Variants in RSPH14 observed in about 807,000 individuals in gnomAD.
RSPH14 encodes the protein radial spoke head 14 homolog, also known as rhabdoid tumor deletion region gene 1.
A neutral mutation model predicts 26.7 loss-of-function variants in RSPH14; 20 were observed. That is an observed-to-expected ratio of 0.75 (90% CI 0.53 to 1.09). The LOEUF is 1.09. RSPH14 is among the 50% of genes least tolerant of loss of function. RSPH14 has a pLI of 0.00. For synonymous variants in RSPH14, 177 were observed against 189.3 expected, an observed-to-expected ratio of 0.93 and a Z score of 0.53; for missense variants, 449 against 457.2, an observed-to-expected ratio of 0.98 and a Z score of 0.16.
At chr22:23,172,358 G>A in the RSPH14 span, among the ~76,000 whole-genome samples, 1 of 147,514 alleles carries the variant, frequency 6.8e-6, no homozygotes, top group Admixed American at 6.8e-5. Flanking sequence ...GGAGGTTGCT[G>A]TGAGCCAAGA....
At chr22:23,171,855 C>CAAAAAAAAAAAAAAAAA in the RSPH14 span, among the ~76,000 whole-genome samples, 1 of 25,054 alleles carries the variant, frequency 4.0e-5, no homozygotes, top group African/African-American at 1.9e-4. Flanking sequence ...AAAAAAAAAA[C>CAAAAAAAAAAAAAAAAA]AAAAAAAAAA....
intron 4 of RSPH14, chr22:23,123,144 A>T: frequency 6.2e-7 from 1 of 1,614,112 alleles, no homozygotes; most frequent in Non-Finnish European, 8.5e-7. Context: ...CAACTGGTTC[A>T]TCAACACCTC....
At chr22:23,140,814 C>T (rs576899758) in intron 1 of RSPH14, among the ~76,000 whole-genome samples, 2 of 152,292 alleles carry the variant, frequency 1.3e-5, no homozygotes, top group East Asian at 3.9e-4. Context: ...TTACCTTGTG[C>T]CAGCAATAAG....
chr22:23,135,163 C>T (rs1167292061), intron 3 of RSPH14, among the ~76,000 whole-genome samples: 1 of 151,822 alleles, frequency 6.6e-6, no homozygotes, highest in Non-Finnish European at 1.5e-5. Flanking sequence ...AGAGCTAGAC[C>T]TTGTCTCTTA....
At chr22:23,098,389 C>T (rs1214490796) in intron 4 of RSPH14, among the ~76,000 whole-genome samples, 1 of 152,220 alleles carries the variant, frequency 6.6e-6, no homozygotes, top group African/African-American at 2.4e-5. Context: ...CGGGGCAGGC[C>T]CTAGATGGGC....
chr22:23,112,975 C>T (rs1036710402), intron 4 of RSPH14, among the ~76,000 whole-genome samples: 14 of 152,168 alleles, frequency 9.2e-5, no homozygotes, highest in African/African-American at 3.4e-4. Context: ...ATAGGAACAT[C>T]CAGCTTTCAG....
At chr22:23,161,359 C>T in the RSPH14 span, 10 of 821,966 alleles carry the variant, frequency 1.2e-5, no homozygotes, top group Admixed American at 6.1e-5. Context: ...CCTCTCTTGG[C>T]TTGTGTCAGG....
At chr22:23,102,252 C>T (rs936806229) in intron 4 of RSPH14, among the ~76,000 whole-genome samples, 2 of 152,228 alleles carry the variant, frequency 1.3e-5, no homozygotes, top group African/African-American at 2.4e-5. Flanking sequence ...GCCTAGGGTC[C>T]CAGGCTTTAT....
upstream of RSPH14, among the ~76,000 whole-genome samples, chr22:23,148,419 G>A (rs1043930922): frequency 4.6e-5 from 7 of 152,194 alleles, no homozygotes; most frequent in African/African-American, 7.2e-5. Flanking sequence ...AGCAGACGGC[G>A]AGGATCAGAG....
intron 4 of RSPH14, among the ~76,000 whole-genome samples, chr22:23,070,115 G>A (rs867428930): frequency 1.3e-5 from 2 of 152,026 alleles, no homozygotes; most frequent in Admixed American, 6.5e-5. Context: ...GGACTGCGGC[G>A]CGCGCGGAGC....
At chr22:23,129,701 C>A (rs1041512340) in intron 4 of RSPH14, among the ~76,000 whole-genome samples, 2 of 151,882 alleles carry the variant, frequency 1.3e-5, no homozygotes, top group South Asian at 2.1e-4. Context: ...GCAGGAGGAT[C>A]GTGAGGTCAG....
At chr22:23,164,318 G>C in the RSPH14 span, 1 of 152,230 alleles carries the variant, frequency 6.6e-6, no homozygotes, top group Non-Finnish European at 1.5e-5. Flanking sequence ...CTCTGTAAAT[G>C]GTCCTTGATT....
At chr22:23,135,597 T>TA (rs1053517439) in intron 3 of RSPH14, among the ~76,000 whole-genome samples, 2 of 152,066 alleles carry the variant, frequency 1.3e-5, no homozygotes, top group Admixed American at 6.5e-5. Flanking sequence ...TGCTCTACTT[T>TA]AAAAAAACCA....
the RSPH14 span, chr22:23,152,323 C>G: frequency 2.4e-6 from 2 of 819,664 alleles, no homozygotes; most frequent in Admixed American, 1.9e-5. Flanking sequence ...AACACAGTGT[C>G]TCAGCAGGGT....
intron 4 of RSPH14, among the ~76,000 whole-genome samples, chr22:23,080,505 T>C (rs1185954712): frequency 1.3e-5 from 2 of 152,234 alleles, no homozygotes; most frequent in Non-Finnish European, 2.9e-5. Context: ...GCTCGGACTA[T>C]GGCTTCAGGA....
At chr22:23,166,910 A>G in the RSPH14 span, among the ~76,000 whole-genome samples, 1 of 152,050 alleles carries the variant, frequency 6.6e-6, no homozygotes, top group African/African-American at 2.4e-5. Flanking sequence ...AAGAGGCCAC[A>G]TTTATGGAGC....
chr22:23,110,648 G>A (rs2069618040), intron 4 of RSPH14, among the ~76,000 whole-genome samples: 1 of 152,274 alleles, frequency 6.6e-6, no homozygotes, highest in African/African-American at 2.4e-5. Flanking sequence ...CCCAGCTCAA[G>A]GGTCAGCAGC....
At chr22:23,154,283 T>C in the RSPH14 span, among the ~76,000 whole-genome samples, 2 of 152,216 alleles carry the variant, frequency 1.3e-5, no homozygotes, top group African/African-American at 4.8e-5. Context: ...ACCAAGCTCC[T>C]TCCTGGTGCC....
upstream of RSPH14, chr22:23,145,062 G>A: frequency 4.4e-6 from 2 of 449,714 alleles, no homozygotes. Context: ...GTAGATGGTA[G>A]GCAGGTCTAT....
Sources: allele counts gnomAD v4.1 joint callset (sites outside exome capture counted in the v4.1 genomes callset), GRCh38; gene constraint gnomAD v4.1.1; transcripts MANE v1.5; gene names NCBI Gene and HGNC (gene_info 2026-07-23, HGNC 2026-07-21).